The following NLGN1 variants were observed in gnomAD, a reference collection of about 807,000 sequenced individuals.
The protein encoded by NLGN1 is neuroligin-1.
In NLGN1, 12 loss-of-function variants were observed where a neutral mutation model predicts 65.5. That is an observed-to-expected ratio of 0.18 (90% CI 0.12 to 0.30). The LOEUF (loss-of-function observed/expected upper bound fraction) is 0.30, where lower values mean the gene tolerates loss of function less well. Among genes scored for constraint, NLGN1 ranks in the 10% least tolerant of loss-of-function variants. The pLI, the probability that NLGN1 is intolerant of heterozygous loss-of-function variation, is 1.00. For synonymous variants in NLGN1, 350 were observed against 359.5 expected (o/e 0.97, Z 0.30); for missense variants, 750 against 1,007.1 (o/e 0.74, Z 3.46).
At chr3:173,600,575 T>C (rs1045114149) in intron 2 of NLGN1, among the ~76,000 whole-genome samples, 2 of 150,908 alleles carry the variant, frequency 1.3e-5, no homozygotes, top group South Asian at 4.2e-4. Flanking sequence ...CAAAGCAAGG[T>C]AGAAATAAAA....
intron 3 of NLGN1, among the ~76,000 whole-genome samples, chr3:173,621,467 G>A (rs1577580848): frequency 6.6e-6 from 1 of 152,020 alleles, no homozygotes; most frequent in South Asian, 2.1e-4. Flanking sequence ...GAACCCTGGA[G>A]GGTCAGGATG....
At chr3:174,233,826 C>A (rs147734563) in intron 4 of NLGN1, among the ~76,000 whole-genome samples, 4 of 152,222 alleles carry the variant, frequency 2.6e-5, no homozygotes, top group African/African-American at 7.2e-5. Context: ...TTATTAAGTC[C>A]ACAAACGTAG....
At chr3:173,700,696 T>A (rs1036642324) in intron 3 of NLGN1, among the ~76,000 whole-genome samples, 1 of 152,246 alleles carries the variant, frequency 6.6e-6, no homozygotes, top group Non-Finnish European at 1.5e-5. Flanking sequence ...TATTTTATTT[T>A]TTAATGTGAA....
At chr3:173,836,787 T>A (rs1440428139) in intron 4 of NLGN1, among the ~76,000 whole-genome samples, 1 of 152,216 alleles carries the variant, frequency 6.6e-6, no homozygotes, top group Non-Finnish European at 1.5e-5. Context: ...GGTACAATCT[T>A]ATCAGTGGAA....
At chr3:173,807,741 G>A (rs770485393) in exon 4 of NLGN1, 1 of 1,613,636 alleles carries the variant, frequency 6.2e-7, no homozygotes, top group East Asian at 2.2e-5. Flanking sequence ...GCTCATATAT[G>A]GAAGGTACTG....
At chr3:173,533,907 A>G (rs1427445530) in intron 2 of NLGN1, among the ~76,000 whole-genome samples, 1 of 152,094 alleles carries the variant, frequency 6.6e-6, no homozygotes, top group African/African-American at 2.4e-5. Flanking sequence ...GCTTGAGCCT[A>G]GGAGGTGGAG....
intron 2 of NLGN1, among the ~76,000 whole-genome samples, chr3:173,563,036 T>C (rs1423372145): frequency 6.6e-6 from 1 of 152,190 alleles, no homozygotes; most frequent in African/African-American, 2.4e-5. Flanking sequence ...CCTGAGATGA[T>C]AGGGATTCCA....
intron 4 of NLGN1, among the ~76,000 whole-genome samples, chr3:173,808,433 G>A (rs1717139442): frequency 6.6e-6 from 1 of 152,090 alleles, no homozygotes; most frequent in East Asian, 1.9e-4. Flanking sequence ...TAAATACAAA[G>A]TGGAGATTTT....
chr3:173,489,433 C>T (rs1258120144), intron 2 of NLGN1, among the ~76,000 whole-genome samples: 6 of 152,130 alleles, frequency 3.9e-5, no homozygotes, highest in East Asian at 3.9e-4. Flanking sequence ...TTTATGGTTG[C>T]ATAGTATTCC....
intron 3 of NLGN1, among the ~76,000 whole-genome samples, chr3:173,730,703 G>C (rs572962057): frequency 6.6e-6 from 1 of 151,502 alleles, no homozygotes. Flanking sequence ...TTCCTCACAC[G>C]CTGCAAATAA....
chr3:174,221,240 A>G (rs987642229), intron 4 of NLGN1, among the ~76,000 whole-genome samples: 54 of 152,094 alleles, frequency 3.6e-4, no homozygotes, highest in African/African-American at 1.3e-3. Flanking sequence ...AAAGGTAAGT[A>G]CCATTCTAGA....
intron 3 of NLGN1, among the ~76,000 whole-genome samples, chr3:173,753,578 A>G (rs1776626350): frequency 6.6e-6 from 1 of 152,090 alleles, no homozygotes; most frequent in African/African-American, 2.4e-5. Flanking sequence ...GAAAGCAACA[A>G]CCCAAACTTT....
At chr3:173,622,520 CCCAAA>C in intron 3 of NLGN1, among the ~76,000 whole-genome samples, 1 of 151,782 alleles carries the variant, frequency 6.6e-6, no homozygotes, top group African/African-American at 2.4e-5. Flanking sequence ...TGATAGAATG[CCCAAA>C]TTGCTTTCCG....
intron 4 of NLGN1, among the ~76,000 whole-genome samples, chr3:173,977,105 A>ACACACG (rs1270442954): frequency 2.1e-5 from 3 of 140,206 alleles, no homozygotes; most frequent in Non-Finnish European, 4.7e-5. Flanking sequence ...ACACACACAC[A>ACACACG]CGCACACACA....
In NLGN1 at chr3:173,861,546, GTGTGTGTGTGTA is replaced by G. The variant is rs1321071388; in HGVS notation, c.646+53716_646+53727del. ...TGTGTGTGTGTGTGTGTGTGTGTGT[GTGTGTGTGTGTA>G]TATACACACACACATATATATACAC... On this transcript the variant is annotated intron_variant, in intron 4 of 6. Coordinates refer to ENST00000457714, the Ensembl canonical transcript of NLGN1. 1.3e-3 allele frequency among the ~76,000 whole-genome samples: 193 copies of G among 143,704 alleles called. 1 individual carries two copies. The highest frequency in any genetic ancestry group is 5.0e-3 in the African/African-American group (186 of 36,994). 94.3% of individuals were successfully genotyped at this position (143,704 alleles called of 152,430 possible).
chr3:173,611,688 A>G (rs1752323052), intron 3 of NLGN1, among the ~76,000 whole-genome samples: 1 of 152,080 alleles, frequency 6.6e-6, no homozygotes, highest in African/African-American at 2.4e-5. Context: ...AAAGGGCTGT[A>G]AAGTTTTAAA....
chr3:173,852,947 C>T (rs1345112802), intron 4 of NLGN1, among the ~76,000 whole-genome samples: 1 of 152,210 alleles, frequency 6.6e-6, no homozygotes, highest in South Asian at 2.1e-4. Context: ...TTTCCAGGTA[C>T]TCTCAAGTGG....
At chr3:173,499,949 T>C (rs930253811) in intron 2 of NLGN1, among the ~76,000 whole-genome samples, 1 of 151,834 alleles carries the variant, frequency 6.6e-6, no homozygotes, top group Admixed American at 6.6e-5. Flanking sequence ...CTTAAGATTT[T>C]GGGCTGAGAA....
intron 3 of NLGN1, among the ~76,000 whole-genome samples, chr3:173,638,298 A>G (rs1199198201): frequency 6.6e-6 from 1 of 151,836 alleles, no homozygotes; most frequent in African/African-American, 2.4e-5. Flanking sequence ...AGTGGGTGTA[A>G]AATGAGTTTG....
Sources: gnomAD v4.1 joint callset for allele counts (sites outside exome capture counted in the v4.1 genomes callset) on GRCh38, gnomAD v4.1.1 for gene constraint, MANE v1.5 for transcripts, NCBI Gene and HGNC (gene_info 2026-07-23, HGNC 2026-07-21) for gene names.